Variants in ATP11C observed in about 807,000 individuals in gnomAD.
The protein encoded by ATP11C is phospholipid-transporting ATPase IG.
In ATP11C, 36 loss-of-function variants were observed where a neutral mutation model predicts 97.4. The observed-to-expected ratio is 0.37, with a 90% CI of 0.28 to 0.49. The LOEUF (loss-of-function observed/expected upper bound fraction) is 0.49. Among genes scored for constraint, ATP11C ranks in the 20% least tolerant of loss-of-function variants. The pLI is 0.98. For synonymous variants in ATP11C, 275 were observed against 290.9 expected, an observed-to-expected ratio of 0.95 and a Z score of 0.56; for missense variants, 730 against 824.6, an observed-to-expected ratio of 0.89 and a Z score of 1.40.
chrX:139,782,765 A>G (rs778291608), intron 17 of ATP11C, 37 bp from the exon 18 acceptor site: 2 of 999,729 alleles, frequency 2.0e-6, no homozygotes, highest in East Asian at 3.2e-5. Context: ...TTATTCTAAT[A>G]ATAGTTGGAA....
At chrX:139,833,910 C>A (rs2083703386) in intron 1 of ATP11C, among the ~76,000 whole-genome samples, 1 of 111,410 alleles carries the variant, frequency 9.0e-6, no homozygotes, top group South Asian at 3.8e-4. Context: ...TTAACAGAAA[C>A]ACCCAGAAAT....
rs191102343 is a variant in ATP11C, at chrX:139,866,333, G to A, written c.28-39510C>T. On this transcript the variant is annotated intron_variant, in intron 1 of 29. Coordinates refer to ENST00000682941, the MANE Select transcript of ATP11C (RefSeq NM_001353812.2). ...TACTCCAGCCTGGGTGACAGAGAAA[G>A]ACTCTGTCTCAAAAAAAAAAAAAAA... Among the ~76,000 whole-genome samples the A allele has an allele frequency of 8.7e-4, 58 of 66,831 alleles. 2 individuals carry two copies. The East Asian group carries it at 0.05, about 57-fold the overall frequency. The allele number at this position is 66,831 out of a possible 115,157, so 58.0% of individuals were successfully genotyped here. A position where few individuals can be genotyped will look rare whatever the true frequency, so the allele number is the denominator to read the frequency against.
At chrX:139,814,354 G>C (rs1013797161) in intron 5 of ATP11C, among the ~76,000 whole-genome samples, 1 of 111,183 alleles carries the variant, frequency 9.0e-6, no homozygotes, top group African/African-American at 3.3e-5. Flanking sequence ...AGTTAAACAC[G>C]TAATTACAAT....
chrX:139,900,432 C>CT (rs1401063154), intron 1 of ATP11C, among the ~76,000 whole-genome samples: 6 of 102,229 alleles, frequency 5.9e-5, no homozygotes, highest in Non-Finnish European at 1.2e-4. Flanking sequence ...AAATCAGAAA[C>CT]TACCATCTAA....
At chrX:139,862,707 C>CAT (rs2084222321) in intron 1 of ATP11C, among the ~76,000 whole-genome samples, 1 of 111,466 alleles carries the variant, frequency 9.0e-6, no homozygotes, top group Non-Finnish European at 1.9e-5. Flanking sequence ...CTAAATCACT[C>CAT]AAAGTCTTCC....
chrX:139,787,178 T>C lies in ATP11C; in HGVS notation c.1587A>G (p.Ile529Met). The C allele has an allele frequency of 8.3e-7, 1 of 1,205,253 alleles. No homozygotes were observed. The highest frequency in any genetic ancestry group is 1.1e-6 in the Non-Finnish European group (1 of 889,844). ...TCAAACACAGAGCTACTTACTCTTC[T>C]ATTTCTTTTCTTTGGTTCTCTACTC... Reference protein sequence around the residue: ...YMRVENQRKEIEEYELLHTLN... With the variant: ...YMRVENQRKEMEEYELLHTLN... Residue 529 changes from isoleucine to methionine, a missense_variant, in exon 15 of 30, where the codon ATA becomes ATG. By Grantham distance (10) the Ile-to-Met change is conservative. Coordinates refer to ENST00000682941, the MANE Select transcript of ATP11C (RefSeq NM_001353812.2).
At position 139,802,241 on chromosome X, in the gene ATP11C, G is replaced by A; in HGVS notation, c.654C>T (p.Leu218=). Residue 218 remains leucine (L), a synonymous_variant, in exon 7 of 30, where the codon CTC becomes CTT. Coordinates refer to ENST00000682941, the MANE Select transcript of ATP11C (RefSeq NM_001353812.2). ...AIECEQPQPD[L]YKFVGRINIY... ...TGAAACCAGGTGATTCTTACTTGTA[G>A]AGGTCAGGTTGAGGCTGTTCACATT... 1 of 1,189,819 alleles carries A rather than the reference G, an allele frequency of 8.4e-7. No homozygotes were observed. Among genetic ancestry groups the A allele is most frequent in the Non-Finnish European group, 1.1e-6 (1 of 875,496 alleles).
At chrX:139,761,819 C>T in intron 22 of ATP11C, 142 bp downstream of exon 22, 2 of 386,495 alleles carry the variant, frequency 5.2e-6, no homozygotes, top group East Asian at 4.5e-5. Context: ...TCCAATAGAC[C>T]ACCTCTGCTT....
chrX:139,733,026 C>A (rs1489114244), intron 28 of ATP11C, among the ~76,000 whole-genome samples: 1 of 111,164 alleles, frequency 9.0e-6, no homozygotes, highest in Non-Finnish European at 1.9e-5. Flanking sequence ...AAAACTTAAT[C>A]AAAAATAACA....
At chrX:139,814,769 A>T (rs2083249672) in intron 5 of ATP11C, 109 bp downstream of exon 5, 1 of 435,519 alleles carries the variant, frequency 2.3e-6, no homozygotes, top group Non-Finnish European at 3.7e-6. Context: ...CTGGAACTAG[A>T]TAGAGTTAAC....
At position 139,726,784 on chromosome X, in the gene ATP11C, T is replaced by C. The variant is rs1320831073; in HGVS notation, c.*2182A>G. 1 of 111,898 alleles carries C rather than the reference T, an allele frequency of 8.9e-6. No individual in the cohort carries two copies. The highest frequency in any genetic ancestry group is 1.9e-5 in the Non-Finnish European group (1 of 53,046). 9.2% of individuals were successfully genotyped at this position (111,898 alleles called of 1,213,427 possible). ...ATTATAGGTAGATGATCTTATTATATTTTTTTCCCTTTCTCTGTCACAAAT... is the reference window on the plus strand; with the variant it reads ...ATTATAGGTAGATGATCTTATTATACTTTTTTCCCTTTCTCTGTCACAAAT... On this transcript the variant is annotated 3_prime_UTR_variant, in exon 30 of 30. Transcript: ENST00000682941.
rs777402105 is a variant in ATP11C, at chrX:139,872,534, C to A, written c.28-45711G>T. Among the ~76,000 whole-genome samples the A allele has an allele frequency of 3.7e-3, 393 of 105,368 alleles. 3 individuals carry two copies. Among genetic ancestry groups the A allele is most frequent in the Non-Finnish European group, 5.8e-3 (298 of 51,807 alleles). The allele number at this position is 105,368 out of a possible 115,157, so 91.5% of individuals were successfully genotyped here. A position where few individuals can be genotyped will look rare whatever the true frequency, so the allele number is the denominator to read the frequency against. On this transcript the variant is annotated intron_variant, in intron 1 of 29. Transcript: ENST00000682941. ...CCGCTCCCTCCACCCCACGACAGGC[C>A]CCGGTGTGTGATGTTCCCCACCCTG...
chrX:139,762,120 T>C lies in ATP11C; in HGVS notation c.2495-14A>G. On this transcript the variant is annotated splice_polypyrimidine_tract_variant and intron_variant, in intron 21 of 29. Transcript: ENST00000682941. Reference sequence around the variant, plus strand: ...TGCCTTTAATACCTAAAAGAGAGTATCTCTATATGGTGAGCATTTTCTAGA... The same window carrying C: ...TGCCTTTAATACCTAAAAGAGAGTACCTCTATATGGTGAGCATTTTCTAGA... 1 of 1,171,788 alleles carries C rather than the reference T, an allele frequency of 8.5e-7. No homozygotes were observed. The highest frequency in any genetic ancestry group is 1.2e-6 in the Non-Finnish European group (1 of 868,548).
chrX:139,782,749 C>T, intron 17 of ATP11C, 21 bp from the exon 18 acceptor site: 2 of 1,053,566 alleles, frequency 1.9e-6, no homozygotes, highest in Non-Finnish European at 2.6e-6. Context: ...AGTAGGAGAT[C>T]TGTAGTTATT....
At chrX:139,803,306 T>C in intron 6 of ATP11C, among the ~76,000 whole-genome samples, 1 of 112,101 alleles carries the variant, frequency 8.9e-6, no homozygotes, top group Non-Finnish European at 1.9e-5. Context: ...AAGCAGGTCA[T>C]TACCATGCTT....
chrX:139,778,588 G>A (rs910976663), intron 18 of ATP11C, among the ~76,000 whole-genome samples: 1 of 111,889 alleles, frequency 8.9e-6, no homozygotes, highest in African/African-American at 3.3e-5. Flanking sequence ...TAGCACTTAA[G>A]GAAGCTGAGG....
At chrX:139,752,183 A>G (rs748786724) in intron 23 of ATP11C, among the ~76,000 whole-genome samples, 1 of 110,796 alleles carries the variant, frequency 9.0e-6, no homozygotes, top group Non-Finnish European at 1.9e-5. Flanking sequence ...AGATGTCTAA[A>G]ACGGCAGCTC....
intron 20 of ATP11C, among the ~76,000 whole-genome samples, chrX:139,765,133 A>G (rs1050790806): frequency 9.9e-5 from 11 of 111,335 alleles, no homozygotes; most frequent in African/African-American, 3.6e-4. Context: ...TGGACCATAA[A>G]ATCATGAAGG....
At chrX:139,788,550 C>T (rs2082624493) in intron 13 of ATP11C, among the ~76,000 whole-genome samples, 1 of 111,539 alleles carries the variant, frequency 9.0e-6, no homozygotes, top group South Asian at 3.8e-4. Flanking sequence ...CTAGCATACC[C>T]TATAGGCTGT....
Sources: allele counts gnomAD v4.1 joint callset (sites outside exome capture counted in the v4.1 genomes callset), GRCh38; gene constraint gnomAD v4.1.1; transcripts MANE v1.5; gene names NCBI Gene and HGNC (gene_info 2026-07-23, HGNC 2026-07-21).